Variants in HECTD4 observed in about 807,000 individuals in gnomAD.
The protein encoded by HECTD4 is HECT domain E3 ubiquitin protein ligase 4, also known as probable E3 ubiquitin-protein ligase HECTD4.
In HECTD4, 114 loss-of-function variants were observed where a neutral mutation model predicts 471.5. The ratio of observed to expected loss-of-function variants is 0.24; its 90% CI spans 0.21 to 0.28. The LOEUF (loss-of-function observed/expected upper bound fraction) is 0.28, where lower values mean the gene tolerates loss of function less well. HECTD4 is among the 10% of genes least tolerant of loss of function. The probability of loss-of-function intolerance (pLI) is 1.00; values close to 1 mark genes in which losing one functional copy is unlikely to be tolerated. For synonymous variants in HECTD4, 2,012 were observed against 2,256.0 expected (o/e 0.89, Z 3.07); for missense variants, 3,866 against 5,651.5 (o/e 0.68, Z 10.13).
Position 112,235,272 on chromosome 12 carries a change from AG to A in HECTD4, c.5726-7del. 6.2e-7 allele frequency: 1 copy of A among 1,604,952 alleles called. No individual in the cohort carries two copies. The highest frequency in any genetic ancestry group is 8.5e-7 in the Non-Finnish European group (1 of 1,176,218). On this transcript the variant is annotated splice_polypyrimidine_tract_variant and splice_region_variant and intron_variant, in intron 36 of 75. Transcript: ENST00000682272. This position sits in a 1 kb window ranked among gnomAD's most constrained non-coding sequence, Gnocchi z 5.0. ...AGAAAGAACTGTCTGACATCCTTTA[AG>A]CAAAAAACAAAGCTCATTCAGGAAA...
At chr12:112,217,647 C>T (rs2032961730) in intron 45 of HECTD4, among the ~76,000 whole-genome samples, 1 of 152,254 alleles carries the variant, frequency 6.6e-6, no homozygotes, top group Non-Finnish European at 1.5e-5. Context: ...AGCCGCCATG[C>T]CCAGCCAGGC....
Position 112,162,530 on chromosome 12 carries a change from G to T in HECTD4, c.13121-7C>A. ...TAGCGAGAGTCTGGGGAACCTACAA[G>T]AAACCGAGCCAGCATCAGAGGGTTG... On this transcript the variant is annotated splice_region_variant and splice_polypyrimidine_tract_variant and intron_variant, in intron 75 of 75. Coordinates refer to ENST00000682272, the MANE Select transcript of HECTD4 (RefSeq NM_001388303.1). The surrounding 1 kb of genome is among the most constrained non-coding windows in gnomAD (Gnocchi z 5.2). 1 of 1,613,946 alleles carries T rather than the reference G, an allele frequency of 6.2e-7. No homozygotes were observed. Among genetic ancestry groups the T allele is most frequent in the Non-Finnish European group, 8.5e-7 (1 of 1,179,864 alleles).
chr12:112,228,325 G>T lies in HECTD4; in HGVS notation c.6685-67C>A. On this transcript the variant is annotated intron_variant, in intron 42 of 75. Transcript: ENST00000682272. This position sits in a 1 kb window ranked among gnomAD's most constrained non-coding sequence, Gnocchi z 4.9. ...TAGTTAGTTTATAAGAAATGAGGGT[G>T]TTATTATTATCTGGAGTTAATTCTT... is the stretch of plus-strand genomic sequence containing the variant. 7.2e-7 allele frequency: 1 copy of T among 1,384,590 alleles called. No individual in the cohort carries two copies. Among genetic ancestry groups the T allele is most frequent in the Non-Finnish European group, 9.5e-7 (1 of 1,055,704 alleles). The allele number at this position is 1,384,590 out of a possible 1,614,324, so 85.8% of individuals were successfully genotyped here. A position where few individuals can be genotyped will look rare whatever the true frequency, so the allele number is the denominator to read the frequency against.
At chr12:112,275,695 A>T (rs1166403910) in intron 9 of HECTD4, among the ~76,000 whole-genome samples, 1 of 152,024 alleles carries the variant, frequency 6.6e-6, no homozygotes, top group Non-Finnish European at 1.5e-5. Flanking sequence ...AAACTTTAGC[A>T]CTGTGTCTCT....
intron 17 of HECTD4, 28 bp from the exon 18 acceptor site, chr12:112,261,457 T>C: frequency 6.3e-7 from 1 of 1,579,928 alleles, no homozygotes; most frequent in Non-Finnish European, 8.7e-7. Flanking sequence ...TCATATTATT[T>C]TTAAGCTTTG....
intron 7 of HECTD4, among the ~76,000 whole-genome samples, chr12:112,305,250 A>C (rs967579028): frequency 6.6e-6 from 1 of 152,164 alleles, no homozygotes; most frequent in Non-Finnish European, 1.5e-5. Context: ...TATGGCTAGC[A>C]GCCACTGTGC....
chr12:112,270,890 C>T (rs1218715715), intron 11 of HECTD4, among the ~76,000 whole-genome samples: 1 of 152,148 alleles, frequency 6.6e-6, no homozygotes, highest in Non-Finnish European at 1.5e-5. Flanking sequence ...CTAGTAAAAC[C>T]TCTCCATATC....
At chr12:112,226,806 G>T in intron 43 of HECTD4, 48 bp from the exon 44 acceptor site, 1 of 1,350,786 alleles carries the variant, frequency 7.4e-7, no homozygotes, top group Non-Finnish European at 1.0e-6. Context: ...AGTGTTCATT[G>T]TCTAAAAAAG....
At chr12:112,190,458 T>C (rs2032040604) in intron 60 of HECTD4, among the ~76,000 whole-genome samples, 1 of 152,244 alleles carries the variant, frequency 6.6e-6, no homozygotes, top group Admixed American at 6.5e-5. Context: ...ACATTGTTCA[T>C]TTCCACACCA....
chr12:112,339,592 G>A (rs1758967691), intron 1 of HECTD4, among the ~76,000 whole-genome samples: 1 of 152,050 alleles, frequency 6.6e-6, no homozygotes, highest in African/African-American at 2.4e-5. Context: ...GGGTGTGTGT[G>A]TGTGTGTATG....
Position 112,175,750 on chromosome 12 carries a change from A to T in HECTD4, c.11580T>A (p.Asp3860Glu). 6.2e-7 allele frequency: 1 copy of T among 1,612,648 alleles called. No individual in the cohort carries two copies. Residue 3860 changes from aspartate to glutamate, a missense_variant, in exon 66 of 76, where the codon GAT becomes GAA. Physicochemically the swap from Asp to Glu is conservative, Grantham distance 45. Around this residue, in one of 16 missense-constraint regions of HECTD4, gnomAD observed 715 missense variants for 1,087.6 expected, o/e 0.66. Coordinates refer to ENST00000682272, the MANE Select transcript of HECTD4 (RefSeq NM_001388303.1). ...VWRAILSCGY[D>E]LHFERCACID... ...AACCCTCTTACCTCTCAAAGTGAAG[A>T]TCGTAACCACAGGACAAGATCGCCC...
At chr12:112,279,726 T>C (rs1238790392) in intron 8 of HECTD4, among the ~76,000 whole-genome samples, 1 of 152,180 alleles carries the variant, frequency 6.6e-6, no homozygotes, top group African/African-American at 2.4e-5. Context: ...TCCTAGTATT[T>C]GTTTGTGTTT....
In HECTD4 at chr12:112,210,000, C is replaced by T. The variant is rs1428255428; in HGVS notation, c.7867+15G>A. 1.2e-6 allele frequency: 2 copies of T among 1,600,580 alleles called. No homozygotes were observed. Among genetic ancestry groups the T allele is most frequent in the Non-Finnish European group, 8.5e-7 (1 of 1,171,106 alleles). On this transcript the variant is annotated intron_variant, in intron 50 of 75. Coordinates refer to ENST00000682272, the MANE Select transcript of HECTD4 (RefSeq NM_001388303.1). ...AGGAAGCCATGGAGGCAGTAAGTTC[C>T]AGGAGGTGACTTACGTTGCTGAGCG...
At chr12:112,270,504 G>T (rs746300047) in intron 11 of HECTD4, 45 bp from the exon 12 acceptor site, 34 of 1,489,618 alleles carry the variant, frequency 2.3e-5, no homozygotes, top group Non-Finnish European at 3.1e-5. Flanking sequence ...CATCTCTATG[G>T]GTGGTCCCCA....
At chr12:112,204,744 A>C in intron 52 of HECTD4, 121 bp from the exon 53 acceptor site, 1 of 810,656 alleles carries the variant, frequency 1.2e-6, no homozygotes, top group South Asian at 1.9e-5. Flanking sequence ...ATGAAAGTAC[A>C]TAACCCTTTG....
At chr12:112,247,397 G>A in intron 28 of HECTD4, 65 bp downstream of exon 28, 1 of 741,614 alleles carries the variant, frequency 1.3e-6, no homozygotes, top group Non-Finnish European at 2.2e-6. Context: ...TAAGAGACTA[G>A]ACCTTTACAG....
At chr12:112,207,153 T>A (rs939749759) in intron 52 of HECTD4, among the ~76,000 whole-genome samples, 1 of 151,658 alleles carries the variant, frequency 6.6e-6, no homozygotes, top group Non-Finnish European at 1.5e-5. Context: ...TATGTATGTA[T>A]GTATTTGAGA....
At position 112,274,940 on chromosome 12, in the gene HECTD4, A is replaced by G. The variant is rs2034496171; in HGVS notation, c.1708T>C (p.Tyr570His). The G allele has an allele frequency of 6.5e-7, 1 of 1,548,842 alleles. No homozygotes were observed. Among genetic ancestry groups the G allele is most frequent in the Non-Finnish European group, 8.7e-7 (1 of 1,145,546 alleles). The change falls in exon 10 of 76, where the codon TAT becomes CAT. Residue 570 changes from tyrosine to histidine, a missense_variant. By Grantham distance (83) the Tyr-to-His change is moderately conservative (BLOSUM62 2). Transcript: ENST00000682272. ...SLKILASSLV[Y>H]NISDGQFTSR... ...GTAAACTGACCATCCGAAATATTAT[A>G]CACCAAGCTGGAGGCTAGGACTTTG...
In HECTD4 at chr12:112,173,728, G is replaced by A. The variant is rs1296033101; in HGVS notation, c.11595-867C>T. On this transcript the variant is annotated intron_variant, in intron 66 of 75. Transcript: ENST00000682272. This position sits in a 1 kb window ranked among gnomAD's most constrained non-coding sequence, Gnocchi z 4.3. The stretch of plus-strand genomic sequence containing the variant: ...TTTTTTTTTGTAGAGATGGGGTCTC[G>A]TTGTGTTGCCCAGGCTGTTCTTGAA... 6.6e-6 allele frequency among the ~76,000 whole-genome samples: 1 copy of A among 151,390 alleles called. No homozygotes were observed. The highest frequency in any genetic ancestry group is 6.6e-5 in the Admixed American group (1 of 15,168).
Sources: allele counts gnomAD v4.1 joint callset (sites outside exome capture counted in the v4.1 genomes callset), GRCh38; gene constraint gnomAD v4.1.1; regional missense constraint gnomAD v4.1.1; non-coding constraint Gnocchi (gnomAD v3.1); transcripts MANE v1.5; gene names NCBI Gene and HGNC (gene_info 2026-07-23, HGNC 2026-07-21).